ASTN2: variants seen among roughly 807,000 people sequenced by gnomAD.
ASTN2 encodes the protein astrotactin 2.
Under a neutral mutation model 139.8 loss-of-function variants are expected in ASTN2, and 54 were observed. That is an observed-to-expected ratio of 0.39 (90% CI 0.31 to 0.48). The LOEUF (loss-of-function observed/expected upper bound fraction) is 0.48. Among genes scored for constraint, ASTN2 ranks in the 20% least tolerant of loss-of-function variants. The pLI is 0.95. For missense variants in ASTN2, 1,565 were observed against 1,725.1 expected, an observed-to-expected ratio of 0.91 and a Z score of 1.64; for synonymous variants, 756 against 719.5, an observed-to-expected ratio of 1.05 and a Z score of -0.81.
chr9:116,983,486 A>T (rs994963740), intron 7 of ASTN2, among the ~76,000 whole-genome samples: 5 of 152,162 alleles, frequency 3.3e-5, no homozygotes, highest in African/African-American at 9.7e-5. Flanking sequence ...TCCAAAGCTC[A>T]TGCTTGCTTA....
At chr9:116,737,471 G>GTGTGTGTGTGTGTGTGAA (rs1564240729) in intron 13 of ASTN2, among the ~76,000 whole-genome samples, 1 of 74,534 alleles carries the variant, frequency 1.3e-5, no homozygotes, top group Non-Finnish European at 2.8e-5. Flanking sequence ...GTGTGAATGT[G>GTGTGTGTGTGTGTGTGAA]TGTGTGTGTG....
chr9:116,845,444 G>A (rs578063269), intron 11 of ASTN2, among the ~76,000 whole-genome samples: 2 of 152,294 alleles, frequency 1.3e-5, no homozygotes, highest in South Asian at 2.1e-4. Flanking sequence ...CCGACTTCAG[G>A]AAGAATCTAG....
At chr9:116,941,072 T>C (rs1039927583) in intron 10 of ASTN2, among the ~76,000 whole-genome samples, 2 of 152,190 alleles carry the variant, frequency 1.3e-5, no homozygotes, top group Non-Finnish European at 2.9e-5. Flanking sequence ...TTTGTGTAAG[T>C]ACATTCTTTG....
chr9:116,707,038 G>A (rs1828006751), intron 16 of ASTN2, among the ~76,000 whole-genome samples: 1 of 151,874 alleles, frequency 6.6e-6, no homozygotes. Flanking sequence ...ACGAGGCTCA[G>A]AGGAATGACT....
intron 11 of ASTN2, among the ~76,000 whole-genome samples, chr9:116,829,955 G>GT (rs1564290309): frequency 3.9e-5 from 6 of 152,254 alleles, no homozygotes; most frequent in Admixed American, 3.3e-4. Context: ...TTGGACCTTG[G>GT]CCTTGGGAAA....
chr9:117,331,142 C>T (rs904019433), intron 1 of ASTN2, among the ~76,000 whole-genome samples: 2 of 152,126 alleles, frequency 1.3e-5, no homozygotes, highest in African/African-American at 4.8e-5. Flanking sequence ...CTAAGTGTCC[C>T]AATCACAGAA....
chr9:117,255,657 G>C (rs1833665988), intron 2 of ASTN2, among the ~76,000 whole-genome samples: 1 of 152,196 alleles, frequency 6.6e-6, no homozygotes, highest in African/African-American at 2.4e-5. Flanking sequence ...TGTGAGAAAA[G>C]TACAGAAAGA....
At chr9:116,730,516 T>C (rs552694386) in intron 14 of ASTN2, among the ~76,000 whole-genome samples, 1 of 152,224 alleles carries the variant, frequency 6.6e-6, no homozygotes, top group Non-Finnish European at 1.5e-5. Flanking sequence ...CTCCTGGCCT[T>C]CCTTTGCAGA....
rs182806002 is a variant in ASTN2 at position 116,759,040 on chromosome 9, C to T, written c.2397-25517G>A. Among the ~76,000 whole-genome samples, 18 of 152,242 alleles carry T rather than the reference C, an allele frequency of 1.2e-4. No individual in the cohort carries two copies. The East Asian group carries it at 3.5e-3, about 29-fold the overall frequency. ...TACAGAAGCGTACCGCCATGCCCTGCTAATTTTTTAATTCCTTTGTAGAGA... is the reference window on the plus strand; with the variant it reads ...TACAGAAGCGTACCGCCATGCCCTGTTAATTTTTTAATTCCTTTGTAGAGA... On this transcript the variant is annotated intron_variant, in intron 13 of 22. Transcript: ENST00000313400.
At chr9:117,316,997 C>A (rs1174438524) in intron 1 of ASTN2, among the ~76,000 whole-genome samples, 1 of 152,102 alleles carries the variant, frequency 6.6e-6, no homozygotes, top group Non-Finnish European at 1.5e-5. Flanking sequence ...CTCTCTGCTT[C>A]TCTTATCTTT....
At chr9:116,576,496 CA>C (rs2131701287) in intron 19 of ASTN2, among the ~76,000 whole-genome samples, 1 of 152,298 alleles carries the variant, frequency 6.6e-6, no homozygotes, top group East Asian at 1.9e-4. Flanking sequence ...AGGTGGCCCC[CA>C]TGGGAGGCCA....
intron 17 of ASTN2, among the ~76,000 whole-genome samples, chr9:116,641,404 C>A (rs1054160981): frequency 6.6e-6 from 1 of 152,078 alleles, no homozygotes; most frequent in Non-Finnish European, 1.5e-5. Flanking sequence ...GACCTTGAGA[C>A]AAGTGATTTA....
intron 3 of ASTN2, among the ~76,000 whole-genome samples, chr9:117,198,371 A>G (rs1831580888): frequency 1.3e-5 from 2 of 152,150 alleles, no homozygotes; most frequent in South Asian, 4.2e-4. Context: ...ATTCCTTTTT[A>G]TGGCTGCATA....
chr9:116,660,168 G>GCGCACACA (rs139281552), intron 16 of ASTN2, among the ~76,000 whole-genome samples: 189 of 146,684 alleles, frequency 1.3e-3, no homozygotes, highest in Middle Eastern at 3.4e-3. Context: ...TATTGCAAGC[G>GCGCACACA]CACACACACA....
Position 116,584,867 on chromosome 9 carries a change from A to G in ASTN2, c.3355+33457T>C, listed in dbSNP as rs553151390. The G allele has an allele frequency of 1.1e-4, 17 of 152,366 alleles. No homozygotes were observed. In the East Asian group the frequency reaches 3.3e-3, roughly 29 times the overall value. The allele number at this position is 152,366 out of a possible 1,614,324, so 9.4% of individuals were successfully genotyped here. ...ATGTTCAAGGGCATACAAAAATGTT[A>G]AAGAGAAAGCAAGACTAGATGATCT... On this transcript the variant is annotated intron_variant, in intron 19 of 22. Transcript: ENST00000313400.
rs142951575 is a variant in ASTN2 at position 116,981,820 on chromosome 9, G to A, written c.1592-5035C>T. 2.6e-5 allele frequency among the ~76,000 whole-genome samples: 4 copies of A among 152,318 alleles called. No homozygotes were observed. The East Asian group carries it at 7.7e-4, about 29-fold the overall frequency. On this transcript the variant is annotated intron_variant, in intron 7 of 22. Transcript: ENST00000313400. ...AAAAACATACATGTATATGTTGTTA[G>A]TAATGGAGACCTAAAAAAAAGAATT...
chr9:117,027,057 AAGTAGTAGTTC>A (rs1269909603), intron 6 of ASTN2, among the ~76,000 whole-genome samples: 1 of 152,192 alleles, frequency 6.6e-6, no homozygotes, highest in Non-Finnish European at 1.5e-5. Flanking sequence ...TGAATGCAAA[AAGTAGTAGTTC>A]AGGACCATTT....
intron 10 of ASTN2, among the ~76,000 whole-genome samples, chr9:116,887,130 C>A (rs908618167): frequency 6.6e-6 from 1 of 152,042 alleles, no homozygotes; most frequent in Non-Finnish European, 1.5e-5. Flanking sequence ...GGACATTATG[C>A]CTATTTCATA....
chr9:116,487,649 T>C (rs905265939), intron 19 of ASTN2, 149 bp from the exon 20 acceptor site: 2 of 845,830 alleles, frequency 2.4e-6, no homozygotes, highest in African/African-American at 1.7e-5. Context: ...ATGAAACAGA[T>C]TTGTATTTAG....
Sources: allele counts gnomAD v4.1 joint callset (sites outside exome capture counted in the v4.1 genomes callset), GRCh38; gene constraint gnomAD v4.1.1; transcripts MANE v1.5; gene names NCBI Gene and HGNC (gene_info 2026-07-23, HGNC 2026-07-21).